The following GPHN variants were observed in gnomAD, a reference collection of about 807,000 sequenced individuals.
GPHN encodes gephyrin.
A neutral mutation model predicts 95.5 loss-of-function variants in GPHN; 17 were observed. The observed-to-expected ratio is 0.18, with a 90% CI of 0.12 to 0.27. The LOEUF is 0.27. Ranked by LOEUF, GPHN falls within the 10% of genes least tolerant of loss-of-function variation. The pLI is 1.00. For synonymous variants in GPHN, 320 were observed against 322.5 expected (o/e 0.99, Z 0.08); for missense variants, 660 against 978.1 (o/e 0.67, Z 4.34).
intron 21 of GPHN, 43 bp from the exon 22 acceptor site, chr14:67,179,535 A>G (rs1254393703): frequency 9.1e-7 from 1 of 1,094,930 alleles, no homozygotes; most frequent in Admixed American, 1.7e-5. Flanking sequence ...TTGTGAGATG[A>G]TCAGGTGACC....
At chr14:67,583,892 G>T in the GPHN span, 1 of 1,613,150 alleles carries the variant, frequency 6.2e-7, no homozygotes, top group Non-Finnish European at 8.5e-7. Context: ...AGGTAGGTAG[G>T]CTACAAGGTC....
chr14:66,905,650 T>C lies in GPHN; in HGVS notation c.390-10353T>C, dbSNP rs138810048. Among the ~76,000 whole-genome samples the C allele has an allele frequency of 5.8e-4, 88 of 152,274 alleles. 1 individual carries two copies. The East Asian group carries it at 0.013, about 22-fold the overall frequency. ...TGGGTATATCACATAATGCTGAGGT[T>C]TGTGGTACAAATGATCCCATCACCC... On this transcript the variant is annotated intron_variant, in intron 5 of 22. Transcript: ENST00000478722.
At chr14:66,720,205 AATTGTCTAAAG>A (rs1438490489) in intron 2 of GPHN, among the ~76,000 whole-genome samples, 9 of 152,210 alleles carry the variant, frequency 5.9e-5, no homozygotes, top group African/African-American at 2.2e-4. Context: ...GTACATTTTC[AATTGTCTAAAG>A]ATTGTCTAAA....
chr14:66,666,544 C>T (rs180703271), intron 1 of GPHN, among the ~76,000 whole-genome samples: 1 of 152,152 alleles, frequency 6.6e-6, no homozygotes, highest in Non-Finnish European at 1.5e-5. Context: ...TTGATTATCT[C>T]AAGAGATTCA....
At chr14:67,576,480 TGATG>T in the GPHN span, 3 of 1,588,790 alleles carry the variant, frequency 1.9e-6, no homozygotes, top group Non-Finnish European at 2.6e-6. The surrounding 1 kb of genome is among the most constrained non-coding windows in gnomAD (Gnocchi z 4.0). Context: ...ATTGGAAAAC[TGATG>T]GATGGTGAAG....
intron 4 of GPHN, among the ~76,000 whole-genome samples, chr14:66,873,833 C>T (rs1048731381): frequency 6.6e-6 from 1 of 152,102 alleles, no homozygotes; most frequent in Non-Finnish European, 1.5e-5. Flanking sequence ...TGGGCGCATA[C>T]TTAAACTTAG....
intron 18 of GPHN, among the ~76,000 whole-genome samples, chr14:67,157,938 A>G (rs897967434): frequency 4.6e-5 from 7 of 152,036 alleles, no homozygotes; most frequent in African/African-American, 1.7e-4. Flanking sequence ...AGAAAGATTG[A>G]TAGGAATGTG....
the GPHN span, chr14:67,473,201 C>T: frequency 1.6e-6 from 1 of 615,084 alleles, no homozygotes. This position sits in a 1 kb window ranked among gnomAD's most constrained non-coding sequence, Gnocchi z 6.5. Context: ...ATGGACCCTT[C>T]CCAATGTCCC....
intron 11 of GPHN, among the ~76,000 whole-genome samples, chr14:67,067,754 C>A (rs1474741845): frequency 2.0e-5 from 3 of 152,344 alleles, no homozygotes; most frequent in African/African-American, 7.2e-5. Context: ...TTGGGACCTG[C>A]CAAGCCAGGC....
At chr14:67,491,462 C>T in the GPHN span, among the ~76,000 whole-genome samples, 3 of 152,190 alleles carry the variant, frequency 2.0e-5, no homozygotes, top group African/African-American at 7.2e-5. Context: ...CCCACCACTT[C>T]CCCAGTAACT....
intron 2 of GPHN, among the ~76,000 whole-genome samples, chr14:66,732,751 G>A (rs530167862): frequency 1.5e-4 from 23 of 152,170 alleles, no homozygotes; most frequent in African/African-American, 2.6e-4. Flanking sequence ...TCCTGACCTC[G>A]TGATCCACCC....
chr14:66,708,458 A>G (rs2069303128), intron 2 of GPHN, among the ~76,000 whole-genome samples: 3 of 152,132 alleles, frequency 2.0e-5, no homozygotes, highest in Admixed American at 2.0e-4. Flanking sequence ...TCAGTATAAA[A>G]CTTTCTTCCT....
the GPHN span, among the ~76,000 whole-genome samples, chr14:67,212,407 G>T: frequency 6.6e-6 from 1 of 151,412 alleles, no homozygotes; most frequent in Non-Finnish European, 1.5e-5. Context: ...GGGCAACATT[G>T]CAAAACCCTG....
At chr14:67,424,956 T>C in the GPHN span, among the ~76,000 whole-genome samples, 1 of 152,208 alleles carries the variant, frequency 6.6e-6, no homozygotes, top group Non-Finnish European at 1.5e-5. Context: ...TCCCTTCTCA[T>C]TGTCTTAATT....
the GPHN span, among the ~76,000 whole-genome samples, chr14:67,362,722 C>A: frequency 4.0e-5 from 6 of 151,374 alleles, no homozygotes; most frequent in South Asian, 2.1e-4. Flanking sequence ...AGTGTGACTT[C>A]GATATTGCGG....
chr14:67,379,693 C>T, the GPHN span, among the ~76,000 whole-genome samples: 1 of 116,798 alleles, frequency 8.6e-6, no homozygotes, highest in Non-Finnish European at 1.6e-5. Context: ...CTCGCTCTGT[C>T]GCCCAGGCTG....
chr14:66,939,384 G>A (rs1286881083), intron 8 of GPHN, among the ~76,000 whole-genome samples: 2 of 152,090 alleles, frequency 1.3e-5, no homozygotes, highest in Non-Finnish European at 2.9e-5. Flanking sequence ...AAAAAAAACA[G>A]GTTCTTGTCA....
chr14:67,230,405 C>T, the GPHN span, among the ~76,000 whole-genome samples: 1 of 151,996 alleles, frequency 6.6e-6, no homozygotes, highest in South Asian at 2.1e-4. Context: ...CAAAGTGATA[C>T]CCTGTCTCCA....
At chr14:67,295,112 T>TGTGTGTGC in the GPHN span, 2 of 151,442 alleles carry the variant, frequency 1.3e-5, no homozygotes, top group African/African-American at 4.9e-5. Flanking sequence ...GAAGTGTGTG[T>TGTGTGTGC]GTGTGTGTGT....
Sources: gnomAD v4.1 joint callset for allele counts (sites outside exome capture counted in the v4.1 genomes callset) on GRCh38, gnomAD v4.1.1 for gene constraint, Gnocchi (gnomAD v3.1) non-coding constraint, MANE v1.5 for transcripts, NCBI Gene and HGNC (gene_info 2026-07-23, HGNC 2026-07-21) for gene names.